LINGO2: variants seen among roughly 807,000 people sequenced by gnomAD.
The protein encoded by LINGO2 is leucine rich repeat and Ig domain containing 2, also known as leucine-rich repeat and immunoglobulin-like domain-containing nogo receptor-interacting protein 2.
Under a neutral mutation model 30.6 loss-of-function variants are expected in LINGO2, and 14 were observed. The ratio of observed to expected loss-of-function variants is 0.46; its 90% confidence interval spans 0.30 to 0.72. The LOEUF (loss-of-function observed/expected upper bound fraction) is 0.72, where lower values mean the gene tolerates loss of function less well. LINGO2 is among the 30% of genes least tolerant of loss of function. The pLI is 0.07. For synonymous variants in LINGO2, 317 were observed against 288.5 expected (o/e 1.10, Z -1.00); for missense variants, 729 against 751.7 (o/e 0.97, Z 0.35).
At chr9:28,624,321 G>A (rs1826552488) in intron 1 of LINGO2, among the ~76,000 whole-genome samples, 1 of 151,950 alleles carries the variant, frequency 6.6e-6, no homozygotes, top group Admixed American at 6.6e-5. Context: ...GTCATGTACA[G>A]CTTTTTTTTA....
At chr9:28,025,024 C>T (rs1823310516) in intron 4 of LINGO2, among the ~76,000 whole-genome samples, 1 of 152,170 alleles carries the variant, frequency 6.6e-6, no homozygotes, top group African/African-American at 2.4e-5. Context: ...AGGCAGTAAT[C>T]ATTTCACATA....
At chr9:28,524,125 T>C (rs1310250740) in intron 1 of LINGO2, among the ~76,000 whole-genome samples, 1 of 152,120 alleles carries the variant, frequency 6.6e-6, no homozygotes, top group Non-Finnish European at 1.5e-5. Context: ...TCCCAAACTT[T>C]AGGGTCAATT....
At chr9:28,520,805 TGAAGGTACAATAA>T (rs1211858610) in intron 1 of LINGO2, among the ~76,000 whole-genome samples, 1 of 152,210 alleles carries the variant, frequency 6.6e-6, no homozygotes, top group African/African-American at 2.4e-5. Context: ...ACAAAAAGCA[TGAAGGTACAATAA>T]TTTTTCAACT....
intron 2 of LINGO2, among the ~76,000 whole-genome samples, chr9:28,415,067 A>G (rs1564185428): frequency 6.6e-6 from 1 of 152,206 alleles, no homozygotes; most frequent in Admixed American, 6.6e-5. Flanking sequence ...ATCAGAACAC[A>G]TATAAAAAAA....
At chr9:28,428,775 A>C (rs1163918460) in intron 2 of LINGO2, among the ~76,000 whole-genome samples, 2 of 152,118 alleles carry the variant, frequency 1.3e-5, no homozygotes. Context: ...GTCAGTTATG[A>C]ATGACTTTTG....
At chr9:28,302,392 T>A (rs967384757) in intron 3 of LINGO2, among the ~76,000 whole-genome samples, 22 of 152,200 alleles carry the variant, frequency 1.4e-4, no homozygotes, top group African/African-American at 5.1e-4. Context: ...ATACAACCCC[T>A]TTTAGGCTGG....
chr9:28,140,614 T>C (rs1827645216), intron 4 of LINGO2, among the ~76,000 whole-genome samples: 1 of 152,226 alleles, frequency 6.6e-6, no homozygotes, highest in Non-Finnish European at 1.5e-5. Flanking sequence ...ACGCATGCCT[T>C]AAAATCCAAG....
chr9:29,174,207 T>A, the LINGO2 span, among the ~76,000 whole-genome samples: 1 of 152,180 alleles, frequency 6.6e-6, no homozygotes, highest in Admixed American at 6.5e-5. Context: ...TCACACTATA[T>A]TTTTGAAGTT....
chr9:28,197,603 T>C (rs1820060675), intron 4 of LINGO2, among the ~76,000 whole-genome samples: 3 of 151,886 alleles, frequency 2.0e-5, no homozygotes, highest in Non-Finnish European at 2.9e-5. Context: ...ATAAAAGCAG[T>C]AAAAAGTGGA....
At chr9:28,826,213 G>A in the LINGO2 span, among the ~76,000 whole-genome samples, 1 of 152,106 alleles carries the variant, frequency 6.6e-6, no homozygotes, top group South Asian at 2.1e-4. Flanking sequence ...TGTTAACTTA[G>A]GAATGATTTC....
intron 4 of LINGO2, among the ~76,000 whole-genome samples, chr9:28,187,526 T>C (rs992868412): frequency 6.0e-5 from 9 of 150,764 alleles, no homozygotes; most frequent in African/African-American, 1.9e-4. Context: ...ATTCACAGAT[T>C]ACTCCAAAGT....
chr9:28,639,123 A>C (rs1827437649), intron 1 of LINGO2, among the ~76,000 whole-genome samples: 1 of 151,940 alleles, frequency 6.6e-6, no homozygotes, highest in Non-Finnish European at 1.5e-5. Flanking sequence ...CATGTAGTTG[A>C]GCGGTTTTGA....
chr9:28,798,591 A>C, the LINGO2 span, among the ~76,000 whole-genome samples: 1 of 152,116 alleles, frequency 6.6e-6, no homozygotes, highest in Non-Finnish European at 1.5e-5. Context: ...AGGAAAGTAT[A>C]AAATATTAGT....
chr9:28,270,201 G>A lies in LINGO2; in HGVS notation c.-87+25007C>T, dbSNP rs953575890. Among the ~76,000 whole-genome samples the A allele has an allele frequency of 2.0e-5, 3 of 152,076 alleles. No homozygotes were observed. The South Asian group carries it at 6.2e-4, about 31-fold the overall frequency. ...AGTTGTTCTCAATTATTGTCGGGAA[G>A]CATTTTATTTGAATACCAAAGAGCC... On this transcript the variant is annotated intron_variant, in intron 4 of 5. Transcript: ENST00000379992.
At chr9:28,755,934 G>C in the LINGO2 span, among the ~76,000 whole-genome samples, 1 of 151,954 alleles carries the variant, frequency 6.6e-6, no homozygotes, top group Non-Finnish European at 1.5e-5. Context: ...GAAATGTCTT[G>C]ATTATCAGGA....
At chr9:28,291,391 T>C (rs781553320) in intron 4 of LINGO2, among the ~76,000 whole-genome samples, 5 of 152,124 alleles carry the variant, frequency 3.3e-5, no homozygotes, top group Non-Finnish European at 5.9e-5. Flanking sequence ...CACTCACAGC[T>C]AGGGAGATGG....
the LINGO2 span, among the ~76,000 whole-genome samples, chr9:29,031,444 G>C: frequency 6.6e-6 from 1 of 151,922 alleles, no homozygotes; most frequent in African/African-American, 2.4e-5. Flanking sequence ...CACCATGCCT[G>C]GCTAATTTCT....
At chr9:28,278,071 T>G (rs1233051221) in intron 4 of LINGO2, among the ~76,000 whole-genome samples, 1 of 152,116 alleles carries the variant, frequency 6.6e-6, no homozygotes, top group African/African-American at 2.4e-5. Context: ...GTGGTCTGGA[T>G]AGAAGATCAA....
chr9:28,587,076 G>T (rs1407955277), intron 1 of LINGO2, among the ~76,000 whole-genome samples: 1 of 151,966 alleles, frequency 6.6e-6, no homozygotes. Flanking sequence ...TTCCAGAAGA[G>T]TAAGAGAAAA....
Sources: gnomAD v4.1 joint callset for allele counts (sites outside exome capture counted in the v4.1 genomes callset) on GRCh38, gnomAD v4.1.1 for gene constraint, MANE v1.5 for transcripts, NCBI Gene and HGNC (gene_info 2026-07-23, HGNC 2026-07-21) for gene names.